DENND2A: variants seen among roughly 807,000 people sequenced by gnomAD.
DENND2A encodes DENN domain containing 2A, also known as DENN domain-containing protein 2A.
Under a neutral mutation model 105.3 loss-of-function variants are expected in DENND2A, and 53 were observed. That is an observed-to-expected ratio of 0.50 (90% CI 0.40 to 0.63). The LOEUF (loss-of-function observed/expected upper bound fraction) is 0.63. DENND2A is among the 30% of genes least tolerant of loss of function. The pLI, the probability that DENND2A is intolerant of heterozygous loss-of-function variation, is 0.00. For synonymous variants in DENND2A, 522 were observed against 508.4 expected, an observed-to-expected ratio of 1.03 and a Z score of -0.36; for missense variants, 1,138 against 1,279.6, an observed-to-expected ratio of 0.89 and a Z score of 1.69.
chr7:140,596,671 T>G (rs1003096267), intron 3 of DENND2A, among the ~76,000 whole-genome samples: 1 of 152,178 alleles, frequency 6.6e-6, no homozygotes, highest in East Asian at 1.9e-4. Flanking sequence ...GATGCCAAAA[T>G]AATCAGCTGA....
intron 6 of DENND2A, among the ~76,000 whole-genome samples, chr7:140,570,937 G>C (rs1278475336): frequency 6.6e-6 from 1 of 152,182 alleles, no homozygotes; most frequent in African/African-American, 2.4e-5. Context: ...ATTTTGCTTT[G>C]CTGGGTCCCC....
intron 5 of DENND2A, among the ~76,000 whole-genome samples, chr7:140,575,003 G>T (rs1798245375): frequency 6.6e-6 from 1 of 152,090 alleles, no homozygotes; most frequent in East Asian, 1.9e-4. Flanking sequence ...CTGGGTGATG[G>T]AGTGAGACTG....
At chr7:140,565,803 C>T (rs776850229) in intron 9 of DENND2A, among the ~76,000 whole-genome samples, 2 of 152,084 alleles carry the variant, frequency 1.3e-5, no homozygotes, top group East Asian at 1.9e-4. Flanking sequence ...AAAGACCTTG[C>T]TGATAAAACA....
At chr7:140,638,843 C>G (rs1200959225) in intron 1 of DENND2A, among the ~76,000 whole-genome samples, 1 of 152,208 alleles carries the variant, frequency 6.6e-6, no homozygotes, top group African/African-American at 2.4e-5. Context: ...TCTGGGCTGC[C>G]CTAGTTCTAT....
At position 140,523,244 on chromosome 7, in the gene DENND2A, C is replaced by T. The variant is rs1241915341; in HGVS notation, c.2665+63G>A. 1.3e-6 allele frequency: 2 copies of T among 1,525,660 alleles called. No individual in the cohort carries two copies. The highest frequency in any genetic ancestry group is 2.7e-5 in the African/African-American group (2 of 73,118). The allele number at this position is 1,525,660 out of a possible 1,614,324, so 94.5% of individuals were successfully genotyped here. A position where few individuals can be genotyped will look rare whatever the true frequency, so the allele number is the denominator to read the frequency against. The stretch of plus-strand genomic sequence containing the variant: ...TCCTACTTGGCCCTTGGCCACTGCC[C>T]ATTTGTTCCCTGACCCTCAGAGTGG... On this transcript the variant is annotated intron_variant, in intron 17 of 19. Coordinates refer to ENST00000496613, the MANE Select transcript of DENND2A (RefSeq NM_015689.5). The surrounding 1 kb of genome is among the most constrained non-coding windows in gnomAD (Gnocchi z 4.5).
Position 140,564,294 on chromosome 7 carries a change from A to ATACACAC in DENND2A, c.1779+2791_1779+2792insGTGTGTA, listed in dbSNP as rs60977409. Reference sequence around the variant, plus strand: ...TGAGACTGTGTCAAAAAAAAAAAAAAAAATACACACACACACACAGAAACA... The same window carrying ATACACAC: ...TGAGACTGTGTCAAAAAAAAAAAAAATACACACAAATACACACACACACACAGAAACA... On this transcript the variant is annotated intron_variant, in intron 9 of 19. Coordinates refer to ENST00000496613, the MANE Select transcript of DENND2A (RefSeq NM_015689.5). Among the ~76,000 whole-genome samples, 35 of 142,054 alleles carry ATACACAC rather than the reference A, an allele frequency of 2.5e-4. 1 individual carries two copies. In the East Asian group the frequency reaches 5.9e-3, roughly 24 times the overall value. The allele number at this position is 142,054 out of a possible 152,430, so 93.2% of individuals were successfully genotyped here. A position where few individuals can be genotyped will look rare whatever the true frequency, so the allele number is the denominator to read the frequency against.
At chr7:140,613,409 G>A (rs1256394784) in intron 1 of DENND2A, among the ~76,000 whole-genome samples, 1 of 151,366 alleles carries the variant, frequency 6.6e-6, no homozygotes, top group African/African-American at 2.4e-5. Context: ...GCGTGGTGGT[G>A]TGCACCTGTA....
In DENND2A at chr7:140,591,669, T is replaced by C. The variant is rs370234873; in HGVS notation, c.996-3889A>G. Among the ~76,000 whole-genome samples, 894 of 128,276 alleles carry C rather than the reference T, an allele frequency of 7.0e-3. 5 individuals are homozygous for C. The highest frequency in any genetic ancestry group is 0.023 in the African/African-American group (676 of 29,666). 84.2% of individuals were successfully genotyped at this position (128,276 alleles called of 152,430 possible). ...TCCCTTCCTTCCTTTCTTTCTTTCT[T>C]TCTCTTTCTTTCTTTCTTTCTTTCC... is the stretch of plus-strand genomic sequence containing the variant. On this transcript the variant is annotated intron_variant, in intron 3 of 19. Coordinates refer to ENST00000496613, the MANE Select transcript of DENND2A (RefSeq NM_015689.5).
intron 1 of DENND2A, among the ~76,000 whole-genome samples, chr7:140,625,116 C>T (rs1184025839): frequency 2.6e-5 from 4 of 152,120 alleles, no homozygotes; most frequent in African/African-American, 9.7e-5. Context: ...GTGGCTCATG[C>T]CTGTAATCCC....
At chr7:140,581,969 G>A (rs2018505) in intron 5 of DENND2A, among the ~76,000 whole-genome samples, 6 of 146,538 alleles carry the variant, frequency 4.1e-5, no homozygotes, top group Non-Finnish European at 9.0e-5. Context: ...TTGGGCAGAT[G>A]TTTTTTTTTT....
chr7:140,568,774 T>C lies in DENND2A; in HGVS notation c.1580A>G (p.Glu527Gly). ...GTGGCTCTCCTCACCTTTCAGCTTC[T>C]CCTCTGTGTCACTGTCAGACTCACT... is the stretch of plus-strand genomic sequence containing the variant. ...ENSESDSDTE[E>G]KLKAHSQRLV... Residue 527 changes from glutamate to glycine, a missense_variant, in exon 8 of 20, where the codon GAG becomes GGG. Physicochemically the swap from Glu to Gly is moderately conservative, Grantham distance 98. Around this residue, in one of 2 missense-constraint regions of DENND2A, gnomAD observed 627 missense variants for 779.8 expected, o/e 0.80. Coordinates refer to ENST00000496613, the MANE Select transcript of DENND2A (RefSeq NM_015689.5). 1 of 1,614,106 alleles carries C rather than the reference T, an allele frequency of 6.2e-7. No individual in the cohort carries two copies. Among genetic ancestry groups the C allele is most frequent in the Admixed American group, 1.7e-5 (1 of 60,016 alleles).
chr7:140,612,721 C>CG (rs1253278347), intron 1 of DENND2A, among the ~76,000 whole-genome samples: 7 of 151,988 alleles, frequency 4.6e-5, no homozygotes, highest in Non-Finnish European at 7.4e-5. Flanking sequence ...AGGCTGGTCT[C>CG]GAACTCCTGA....
At chr7:140,526,963 C>T (rs1796076367) in intron 15 of DENND2A, among the ~76,000 whole-genome samples, 1 of 152,122 alleles carries the variant, frequency 6.6e-6, no homozygotes, top group African/African-American at 2.4e-5. Context: ...TGACAACGGA[C>T]CAGATCTTGC....
chr7:140,640,041 C>T lies in DENND2A; in HGVS notation c.-248+463G>A, dbSNP rs1023090072. ...CTTTCCCAAGACTGCAAATGCTGACCGCTGTGAGGGGGGCCCGGCTGCTCA... is the reference window on the plus strand; with the variant it reads ...CTTTCCCAAGACTGCAAATGCTGACTGCTGTGAGGGGGGCCCGGCTGCTCA... On this transcript the variant is annotated intron_variant, in intron 1 of 19. Transcript: ENST00000496613. This position sits in a 1 kb window ranked among gnomAD's most constrained non-coding sequence, Gnocchi z 4.9. Among the ~76,000 whole-genome samples, 5 of 152,244 alleles carry T rather than the reference C, an allele frequency of 3.3e-5. No homozygotes were observed. Among genetic ancestry groups the T allele is most frequent in the Admixed American group, 6.5e-5 (1 of 15,288 alleles).
At chr7:140,548,416 G>T (rs2130534167) in intron 12 of DENND2A, among the ~76,000 whole-genome samples, 1 of 151,962 alleles carries the variant, frequency 6.6e-6, no homozygotes, top group East Asian at 2.0e-4. Context: ...CAGCTACTTG[G>T]AAGGCTGAGG....
At chr7:140,570,041 C>G (rs1475413946) in intron 6 of DENND2A, among the ~76,000 whole-genome samples, 1 of 152,120 alleles carries the variant, frequency 6.6e-6, no homozygotes, top group African/African-American at 2.4e-5. Flanking sequence ...ATTACAGGTA[C>G]CCACCATTAT....
At chr7:140,600,343 T>C (rs1264303838) in intron 3 of DENND2A, among the ~76,000 whole-genome samples, 1 of 151,984 alleles carries the variant, frequency 6.6e-6, no homozygotes, top group Admixed American at 6.6e-5. Flanking sequence ...TGGGACTGGA[T>C]GAGATCATTT....
At chr7:140,632,694 G>C (rs1800773674) in intron 1 of DENND2A, among the ~76,000 whole-genome samples, 1 of 151,544 alleles carries the variant, frequency 6.6e-6, no homozygotes, top group Admixed American at 6.6e-5. Context: ...TCAGCCTCCT[G>C]AGTAGCTGGG....
At chr7:140,591,711 T>TC (rs1554475953) in intron 3 of DENND2A, among the ~76,000 whole-genome samples, 8 of 146,544 alleles carry the variant, frequency 5.5e-5, no homozygotes, top group South Asian at 2.2e-4. Context: ...CCTTCCTTCT[T>TC]TCTCTCTCTT....
Sources: gnomAD v4.1 joint callset for allele counts (sites outside exome capture counted in the v4.1 genomes callset) on GRCh38, gnomAD v4.1.1 for gene constraint, gnomAD v4.1.1 regional missense constraint, Gnocchi (gnomAD v3.1) non-coding constraint, MANE v1.5 for transcripts, NCBI Gene and HGNC (gene_info 2026-07-23, HGNC 2026-07-21) for gene names.